URB1: variants seen among roughly 807,000 people sequenced by gnomAD.
The protein encoded by URB1 is nucleolar pre-ribosomal-associated protein 1.
URB1 carries 197 observed loss-of-function variants against 242.3 expected under a neutral mutation model. The ratio of observed to expected loss-of-function variants is 0.81; its 90% CI spans 0.72 to 0.91. The LOEUF (loss-of-function observed/expected upper bound fraction) is 0.91. URB1 is among the 40% of genes least tolerant of loss of function. URB1 has a pLI of 0.00. For missense variants in URB1, 2,721 were observed against 2,860.5 expected, an observed-to-expected ratio of 0.95 and a Z score of 1.11; for synonymous variants, 1,153 against 1,201.8, an observed-to-expected ratio of 0.96 and a Z score of 0.84.
chr21:32,330,542 A>G (rs2123556598), intron 30 of URB1, among the ~76,000 whole-genome samples: 1 of 151,478 alleles, frequency 6.6e-6, no homozygotes, highest in South Asian at 2.1e-4. Context: ...TAACATCCTG[A>G]TTTTGCTATT....
intron 9 of URB1, among the ~76,000 whole-genome samples, 154 bp from the exon 10 acceptor site, chr21:32,366,909 C>T (rs1317257475): frequency 6.6e-6 from 1 of 152,176 alleles, no homozygotes; most frequent in Admixed American, 6.5e-5. Context: ...GATTAACCCT[C>T]AAATCTACTT....
chr21:32,311,426 C>T lies in URB1; in HGVS notation c.*3492G>A. On this transcript the variant is annotated 3_prime_UTR_variant, in exon 39 of 39. Transcript: ENST00000382751. ...CCCCTCCACCCCCCACCCCCCCCAT[C>T]CTAAATCAATGTAGGAAGAAGTGGC... 1.1e-5 allele frequency: 2 copies of T among 178,976 alleles called. No homozygotes were observed. Among genetic ancestry groups the T allele is most frequent in the Non-Finnish European group, 2.3e-5 (2 of 86,884 alleles). The allele number at this position is 178,976 out of a possible 1,614,324, so 11.1% of individuals were successfully genotyped here. A position where few individuals can be genotyped will look rare whatever the true frequency, so the allele number is the denominator to read the frequency against.
chr21:32,366,975 G>A (rs1320452596), intron 9 of URB1, among the ~76,000 whole-genome samples: 1 of 152,172 alleles, frequency 6.6e-6, no homozygotes. Flanking sequence ...GACCTTCAGA[G>A]CAGAACTTGA....
intron 1 of URB1, among the ~76,000 whole-genome samples, chr21:32,389,069 T>C (rs925879393): frequency 6.6e-6 from 1 of 152,202 alleles, no homozygotes; most frequent in African/African-American, 2.4e-5. Context: ...GAAGCAAACA[T>C]CAAGAGTATA....
intron 19 of URB1, among the ~76,000 whole-genome samples, chr21:32,352,289 A>C (rs1401122786): frequency 6.6e-6 from 1 of 152,186 alleles, no homozygotes; most frequent in Admixed American, 6.5e-5. Flanking sequence ...CTTTAACAGA[A>C]GAGACCCTGC....
chr21:32,385,629 A>G lies in URB1; in HGVS notation c.198T>C (p.Asp66=). ...AAATCTTTATATACCCTTCCACAACATCATACACATCTTCTCGTGGTAGCT... is the reference window on the plus strand; with the variant it reads ...AAATCTTTATATACCCTTCCACAACGTCATACACATCTTCTCGTGGTAGCT... The part of the protein sequence containing the change: ...AKKLPREDVY[D]VVEGYIKISV... Residue 66 remains aspartate, a synonymous_variant, in exon 2 of 39, where the codon GAT becomes GAC. Coordinates refer to ENST00000382751, the MANE Select transcript of URB1 (RefSeq NM_014825.3). The G allele has an allele frequency of 6.4e-7, 1 of 1,551,794 alleles. No homozygotes were observed. Among genetic ancestry groups the G allele is most frequent in the Non-Finnish European group, 8.7e-7 (1 of 1,147,018 alleles).
chr21:32,344,003 T>A (rs2033058050), intron 24 of URB1, among the ~76,000 whole-genome samples: 1 of 152,142 alleles, frequency 6.6e-6, no homozygotes, highest in Non-Finnish European at 1.5e-5. Flanking sequence ...AGCAACAAGT[T>A]TGAAATACTT....
Position 32,317,933 on chromosome 21 carries a change from T to A in URB1, c.5793-16A>T, listed in dbSNP as rs1438124306. 1 of 1,551,072 alleles carries A rather than the reference T, an allele frequency of 6.4e-7. No homozygotes were observed. Among genetic ancestry groups the A allele is most frequent in the South Asian group, 1.2e-5 (1 of 83,942 alleles). On this transcript the variant is annotated splice_polypyrimidine_tract_variant and intron_variant, in intron 36 of 38. Transcript: ENST00000382751. ...CAAGGTGGGCCTGTTTGGGAGTCAATGTTACAGACTGAGCAAAGGCTGCTG... is the reference window on the plus strand; with the variant it reads ...CAAGGTGGGCCTGTTTGGGAGTCAAAGTTACAGACTGAGCAAAGGCTGCTG...
chr21:32,376,306 T>C (rs902567233), intron 5 of URB1, among the ~76,000 whole-genome samples: 2 of 152,214 alleles, frequency 1.3e-5, no homozygotes, highest in African/African-American at 4.8e-5. Context: ...GACACTGTTA[T>C]CATTATTAAT....
chr21:32,328,608 T>C (rs1360563914), intron 30 of URB1, among the ~76,000 whole-genome samples: 2 of 152,156 alleles, frequency 1.3e-5, no homozygotes, highest in African/African-American at 4.8e-5. Context: ...ATGGAATACA[T>C]TTGGGAAAGA....
chr21:32,368,801 C>T (rs1028477827), intron 8 of URB1, among the ~76,000 whole-genome samples: 3 of 151,564 alleles, frequency 2.0e-5, no homozygotes, highest in Admixed American at 1.3e-4. Context: ...TCATCCTCTA[C>T]TTCTGAGTGG....
In URB1 at chr21:32,352,695, G is replaced by A. The variant is rs1215606367; in HGVS notation, c.2613+15C>T. 1 of 1,550,322 alleles carries A rather than the reference G, an allele frequency of 6.5e-7. No individual in the cohort carries two copies. Among genetic ancestry groups the A allele is most frequent in the Non-Finnish European group, 8.7e-7 (1 of 1,146,840 alleles). On this transcript the variant is annotated intron_variant, in intron 19 of 38. Coordinates refer to ENST00000382751, the MANE Select transcript of URB1 (RefSeq NM_014825.3). ...CTGCACAGCAGCAGTGACCACAGCT[G>A]TGGCTGCAGCTCACCCAGGCCTCTC...
chr21:32,383,831 A>T (rs1475523487), intron 3 of URB1, among the ~76,000 whole-genome samples: 1 of 152,242 alleles, frequency 6.6e-6, no homozygotes, highest in Non-Finnish European at 1.5e-5. Flanking sequence ...CTGTGTGATC[A>T]ATAGACCACA....
intron 28 of URB1, among the ~76,000 whole-genome samples, chr21:32,336,515 G>A (rs1390714186): frequency 6.6e-6 from 1 of 152,188 alleles, no homozygotes; most frequent in Non-Finnish European, 1.5e-5. Context: ...TCCTGCTTAG[G>A]TGCGGCACTT....
At position 32,317,000 on chromosome 21, in the gene URB1, T is replaced by A. The variant is rs1375197823; in HGVS notation, c.6100A>T (p.Arg2034Trp). ...ATCTCCTCTGCCTCCCCAGGCCTCC[T>A]CTTTCGGCCCCGTGGGCCTTTGGCT... is the stretch of plus-strand genomic sequence containing the variant. Reference protein sequence around the residue: ...ARAKGPRGRKRRPGEAEEMAD... With the variant: ...ARAKGPRGRKWRPGEAEEMAD... Residue 2034 changes from arginine to tryptophan, a missense_variant, in exon 38 of 39, where the codon AGG becomes TGG. By Grantham distance (101) the Arg-to-Trp change is moderately radical. Transcript: ENST00000382751. The A allele has an allele frequency of 1.3e-6, 2 of 1,551,572 alleles. No homozygotes were observed. Among genetic ancestry groups the A allele is most frequent in the South Asian group, 2.4e-5 (2 of 84,040 alleles).
In URB1 at chr21:32,311,844, C is replaced by A. The variant is rs2032584251; in HGVS notation, c.*3074G>T. ...GAGCAGAACTGGCCCTGACCAGCCG[C>A]TACGACAGGAGAGCTCCTCCACCTT... is the stretch of plus-strand genomic sequence containing the variant. On this transcript the variant is annotated 3_prime_UTR_variant, in exon 39 of 39. Coordinates refer to ENST00000382751, the MANE Select transcript of URB1 (RefSeq NM_014825.3). The A allele has an allele frequency of 6.2e-7, 1 of 1,614,014 alleles. No individual in the cohort carries two copies. The highest frequency in any genetic ancestry group is 1.7e-5 in the Admixed American group (1 of 60,008).
intron 15 of URB1, among the ~76,000 whole-genome samples, chr21:32,357,119 A>G (rs1229421050): frequency 2.6e-5 from 4 of 152,242 alleles, no homozygotes; most frequent in African/African-American, 9.6e-5. Context: ...AGGACAAAAC[A>G]AGATAAGGAA....
intron 36 of URB1, 80 bp downstream of exon 36, chr21:32,319,137 G>T: frequency 7.2e-7 from 1 of 1,397,624 alleles, no homozygotes; most frequent in South Asian, 1.4e-5. Context: ...AGTCATGACT[G>T]AGACATGGTG....
Position 32,314,546 on chromosome 21 carries a change from T to G in URB1, c.*372A>C. The G allele has an allele frequency of 1.9e-6, 3 of 1,613,172 alleles. No homozygotes were observed. Among genetic ancestry groups the G allele is most frequent in the Non-Finnish European group, 2.5e-6 (3 of 1,179,068 alleles). On this transcript the variant is annotated 3_prime_UTR_variant, in exon 39 of 39. Transcript: ENST00000382751. ...AAAAAAATCTGATACCTTTTGACATTTCAGCTTTAACACAGATGAATCTCT... is the reference window on the plus strand; with the variant it reads ...AAAAAAATCTGATACCTTTTGACATGTCAGCTTTAACACAGATGAATCTCT...
Sources: allele counts gnomAD v4.1 joint callset (sites outside exome capture counted in the v4.1 genomes callset), GRCh38; gene constraint gnomAD v4.1.1; transcripts MANE v1.5; gene names NCBI Gene and HGNC (gene_info 2026-07-23, HGNC 2026-07-21).